Variants in SORCS2 observed in about 807,000 individuals in gnomAD.
SORCS2 encodes the protein sortilin related VPS10 domain containing receptor 2.
Under a neutral mutation model 141.6 loss-of-function variants are expected in SORCS2, and 100 were observed. The observed-to-expected ratio is 0.71, with a 90% confidence interval of 0.60 to 0.83. The LOEUF is 0.83. Among genes scored for constraint, SORCS2 ranks in the 40% least tolerant of loss-of-function variants. SORCS2 has a pLI of 0.00. For synonymous variants in SORCS2, 789 were observed against 676.9 expected (o/e 1.17, Z -2.57); for missense variants, 1,646 against 1,560.2 (o/e 1.05, Z -0.93).
rs1189948652 is a variant in SORCS2 at position 7,724,320 on chromosome 4, TGGTGATAG to T, written c.2611+444_2611+451del. Among the ~76,000 whole-genome samples the T allele has an allele frequency of 1.4e-3, 192 of 140,474 alleles. 3 individuals are homozygous for T. Among genetic ancestry groups the T allele is most frequent in the African/African-American group, 4.8e-3 (177 of 36,624 alleles). The allele number at this position is 140,474 out of a possible 152,430, so 92.2% of individuals were successfully genotyped here. ...ATGGTGACAATGGTGGTGGTGGTGG[TGGTGATAG>T]GGTGATGGTGATGATGGTAACAGTA... On this transcript the variant is annotated intron_variant, in intron 19 of 26. Transcript: ENST00000507866.
rs140093803 is a variant in SORCS2, at chr4:7,221,330, G to A, written c.480+28204G>A. 1.7e-3 allele frequency among the ~76,000 whole-genome samples: 260 copies of A among 152,350 alleles called. 1 individual carries two copies. The highest frequency in any genetic ancestry group is 3.4e-3 in the Middle Eastern group (1 of 294). The stretch of plus-strand genomic sequence containing the variant: ...CGGTCCCACCAGACCCTGGGCCTAC[G>A]GGTGGACCCAGTGTCTGTAGTTTGA... On this transcript the variant is annotated intron_variant, in intron 1 of 26. Coordinates refer to ENST00000507866, the MANE Select transcript of SORCS2 (RefSeq NM_020777.3).
intron 5 of SORCS2, among the ~76,000 whole-genome samples, chr4:7,660,901 A>C (rs1722120006): frequency 6.6e-6 from 1 of 152,134 alleles, no homozygotes; most frequent in Non-Finnish European, 1.5e-5. Flanking sequence ...TGGCTGAGAG[A>C]GCAATCTTCC....
intron 1 of SORCS2, among the ~76,000 whole-genome samples, chr4:7,325,675 C>T (rs952031196): frequency 6.6e-6 from 1 of 152,170 alleles, no homozygotes; most frequent in African/African-American, 2.4e-5. Flanking sequence ...CTGGAAGGCC[C>T]CTTGGCAGGG....
intron 1 of SORCS2, among the ~76,000 whole-genome samples, chr4:7,220,480 C>G (rs1276690522): frequency 6.6e-6 from 1 of 152,032 alleles, no homozygotes; most frequent in Non-Finnish European, 1.5e-5. Context: ...ATGCCATTCT[C>G]TTAATTCCTG....
At chr4:7,506,525 C>T (rs1448189634) in intron 2 of SORCS2, among the ~76,000 whole-genome samples, 3 of 145,442 alleles carry the variant, frequency 2.1e-5, no homozygotes, top group Non-Finnish European at 4.6e-5. Context: ...AGCTGACATC[C>T]CGAGATCTAC....
intron 3 of SORCS2, among the ~76,000 whole-genome samples, chr4:7,616,638 A>G (rs1272827115): frequency 1.3e-5 from 2 of 152,224 alleles, no homozygotes; most frequent in South Asian, 2.1e-4. Flanking sequence ...AGTGAGTGCA[A>G]TAAAGTGGCC....
chr4:7,354,120 C>T (rs918944159), intron 1 of SORCS2, among the ~76,000 whole-genome samples: 8 of 152,268 alleles, frequency 5.3e-5, no homozygotes, highest in African/African-American at 1.9e-4. Flanking sequence ...CTGTTTTGTT[C>T]TCTGCACGGA....
intron 3 of SORCS2, among the ~76,000 whole-genome samples, chr4:7,590,662 G>T (rs372969965): frequency 9.2e-5 from 14 of 152,352 alleles, no homozygotes; most frequent in African/African-American, 3.4e-4. Flanking sequence ...GGTCACAACG[G>T]CTAATAGGGA....
intron 2 of SORCS2, among the ~76,000 whole-genome samples, chr4:7,416,839 C>T (rs942157705): frequency 9.9e-5 from 15 of 152,242 alleles, no homozygotes; most frequent in African/African-American, 3.4e-4. Context: ...CACACACAAA[C>T]ATGCATGCAT....
intron 3 of SORCS2, among the ~76,000 whole-genome samples, chr4:7,566,528 C>T (rs1214510038): frequency 6.6e-6 from 1 of 152,226 alleles, no homozygotes; most frequent in Non-Finnish European, 1.5e-5. Flanking sequence ...GGCCACACAG[C>T]AGGTTAGAGT....
At chr4:7,279,685 G>A (rs1170425347) in intron 1 of SORCS2, among the ~76,000 whole-genome samples, 4 of 152,202 alleles carry the variant, frequency 2.6e-5, no homozygotes, top group African/African-American at 9.6e-5. Context: ...TCCAGCCGCG[G>A]AATTACAGGG....
intron 1 of SORCS2, among the ~76,000 whole-genome samples, chr4:7,286,000 C>G (rs1716197064): frequency 6.6e-6 from 1 of 152,184 alleles, no homozygotes; most frequent in Non-Finnish European, 1.5e-5. Context: ...CGGCGGCCGG[C>G]ACCGTGCTCC....
chr4:7,371,101 G>A (rs1320468377), intron 1 of SORCS2, among the ~76,000 whole-genome samples: 1 of 152,240 alleles, frequency 6.6e-6, no homozygotes, highest in Non-Finnish European at 1.5e-5. Flanking sequence ...TCTGTAGAGT[G>A]AAGGGAGCAC....
chr4:7,271,315 A>G (rs919331009), intron 1 of SORCS2, among the ~76,000 whole-genome samples: 2 of 152,062 alleles, frequency 1.3e-5, no homozygotes, highest in African/African-American at 4.8e-5. Context: ...GGCCCTAACA[A>G]TTCAGCCCCT....
chr4:7,382,124 G>GA (rs1177045489), intron 1 of SORCS2: 2 of 338,854 alleles, frequency 5.9e-6, no homozygotes, highest in African/African-American at 4.5e-5. Flanking sequence ...GCTGCTGGTG[G>GA]AGCGGGGAGG....
chr4:7,598,402 A>G (rs1221635336), intron 3 of SORCS2, among the ~76,000 whole-genome samples: 1 of 152,176 alleles, frequency 6.6e-6, no homozygotes, highest in Non-Finnish European at 1.5e-5. Flanking sequence ...TTGCTGCCAA[A>G]GCAATAAGGT....
intron 22 of SORCS2, among the ~76,000 whole-genome samples, chr4:7,728,760 C>T (rs1727399863): frequency 6.6e-6 from 1 of 152,242 alleles, no homozygotes; most frequent in African/African-American, 2.4e-5. Context: ...CACTGTCGTC[C>T]TCCAGTGCTC....
intron 1 of SORCS2, among the ~76,000 whole-genome samples, chr4:7,291,904 G>A (rs908297265): frequency 4.9e-4 from 75 of 152,342 alleles, no homozygotes; most frequent in African/African-American, 1.7e-3. Context: ...CCCCTCAACC[G>A]TAAACATCCC....
At chr4:7,455,901 A>T (rs1255744696) in intron 2 of SORCS2, among the ~76,000 whole-genome samples, 3 of 152,168 alleles carry the variant, frequency 2.0e-5, no homozygotes, top group Non-Finnish European at 4.4e-5. Context: ...GGTTAGCATC[A>T]GATGCTGTGT....
Sources: allele counts gnomAD v4.1 joint callset (sites outside exome capture counted in the v4.1 genomes callset), GRCh38; gene constraint gnomAD v4.1.1; transcripts MANE v1.5; gene names NCBI Gene and HGNC (gene_info 2026-07-23, HGNC 2026-07-21).